The following USP48 variants were observed in gnomAD, a reference collection of about 807,000 sequenced individuals.
USP48 encodes ubiquitin carboxyl-terminal hydrolase 48.
A neutral mutation model predicts 150.7 loss-of-function variants in USP48; 43 were observed. That is an observed-to-expected ratio of 0.29 (90% CI 0.22 to 0.37). The LOEUF is 0.37. USP48 is among the 10% of genes least tolerant of loss of function. The probability of loss-of-function intolerance (pLI) is 1.00; values close to 1 mark genes in which losing one functional copy is unlikely to be tolerated. For missense variants in USP48, 813 were observed against 1,249.6 expected (o/e 0.65, Z 5.27); for synonymous variants, 396 against 425.9 (o/e 0.93, Z 0.86).
In USP48 at chr1:21,679,386, C is replaced by A; in HGVS notation, c.*31G>T. 1 of 1,613,970 alleles carries A rather than the reference C, an allele frequency of 6.2e-7. No individual in the cohort carries two copies. Among genetic ancestry groups the A allele is most frequent in the Non-Finnish European group, 8.5e-7 (1 of 1,179,920 alleles). On this transcript the variant is annotated 3_prime_UTR_variant, in exon 27 of 27. Coordinates refer to ENST00000308271, the MANE Select transcript of USP48 (RefSeq NM_032236.8). ...TGTCAAACTCCTCTTCCCCTCTGGT[C>A]ATTTCTTAGCAGTCAGCAAGTATTC...
chr1:21,696,467 G>A (rs558182376), intron 22 of USP48, among the ~76,000 whole-genome samples: 15 of 152,274 alleles, frequency 9.9e-5, no homozygotes, highest in Admixed American at 9.2e-4. Flanking sequence ...GAAAGAAAGC[G>A]GGTGCGGAGA....
intron 11 of USP48, chr1:21,727,790 T>G: frequency 1.2e-6 from 1 of 829,000 alleles, no homozygotes; most frequent in Non-Finnish European, 1.5e-6. Context: ...GTTTACATTT[T>G]GCTTAAAGTT....
At chr1:21,741,295 GACAAA>G (rs1278728799) in intron 8 of USP48, among the ~76,000 whole-genome samples, 2 of 152,142 alleles carry the variant, frequency 1.3e-5, no homozygotes, top group Non-Finnish European at 1.5e-5. Context: ...CTTAAAATTA[GACAAA>G]ACAAAACAGG....
intron 24 of USP48, among the ~76,000 whole-genome samples, chr1:21,687,912 GT>G (rs1267321957): frequency 6.6e-6 from 1 of 152,208 alleles, no homozygotes; most frequent in Non-Finnish European, 1.5e-5. Context: ...AATGCAGAAT[GT>G]TAAACAGAGG....
At chr1:21,752,445 T>C (rs2097818808) in intron 5 of USP48, 82 bp downstream of exon 5, 1 of 1,520,916 alleles carries the variant, frequency 6.6e-7, no homozygotes, top group East Asian at 2.3e-5. Flanking sequence ...AGCTACAACC[T>C]GGAACTGCAC....
chr1:21,711,711 T>C (rs2097690655), intron 15 of USP48, among the ~76,000 whole-genome samples: 1 of 152,160 alleles, frequency 6.6e-6, no homozygotes, highest in South Asian at 2.1e-4. Context: ...TGAAGCTCAG[T>C]CACCAAGCCC....
intron 1 of USP48, among the ~76,000 whole-genome samples, chr1:21,775,265 T>C (rs1450904783): frequency 6.6e-6 from 1 of 151,860 alleles, no homozygotes; most frequent in African/African-American, 2.4e-5. Flanking sequence ...TTTGTTTGGT[T>C]GGTTGGTTTT....
chr1:21,701,142 G>A (rs1044652094), intron 22 of USP48, among the ~76,000 whole-genome samples: 37 of 151,032 alleles, frequency 2.4e-4, no homozygotes, highest in Non-Finnish European at 4.7e-4. Flanking sequence ...TGCGGTGGGC[G>A]GATCACGAGG....
rs1191527058 is a variant in USP48 at position 21,679,042 on chromosome 1, C to G, written c.*375G>C. The G allele has an allele frequency of 8.9e-6, 3 of 335,930 alleles. No individual in the cohort carries two copies. The highest frequency in any genetic ancestry group is 1.1e-5 in the Non-Finnish European group (2 of 179,410). The allele number at this position is 335,930 out of a possible 1,614,324, so 20.8% of individuals were successfully genotyped here. On this transcript the variant is annotated 3_prime_UTR_variant, in exon 27 of 27. Coordinates refer to ENST00000308271, the MANE Select transcript of USP48 (RefSeq NM_032236.8). ...CTACTTGATACAATCCTTTATGGAC[C>G]AACGCATCTGGTATGAAACTCGAGC... is the stretch of plus-strand genomic sequence containing the variant.
chr1:21,756,417 G>C (rs565221369), intron 3 of USP48, 129 bp downstream of exon 3: 3 of 1,120,140 alleles, frequency 2.7e-6, no homozygotes, highest in Non-Finnish European at 3.8e-6. Context: ...GGAGGCAGAC[G>C]TTGCAGTGAA....
At chr1:21,770,935 C>G (rs186568776) in intron 1 of USP48, among the ~76,000 whole-genome samples, 5 of 151,680 alleles carry the variant, frequency 3.3e-5, no homozygotes, top group African/African-American at 9.7e-5. Flanking sequence ...CCAGCCTGGC[C>G]AAGATGGTGA....
chr1:21,771,731 C>G (rs1381716716), intron 1 of USP48, among the ~76,000 whole-genome samples: 2 of 151,952 alleles, frequency 1.3e-5, no homozygotes, highest in Non-Finnish European at 2.9e-5. Flanking sequence ...AACAGCCTGA[C>G]CAACACGGAG....
At chr1:21,753,778 G>GT (rs1433823845) in intron 3 of USP48, among the ~76,000 whole-genome samples, 2 of 136,476 alleles carry the variant, frequency 1.5e-5, no homozygotes, top group African/African-American at 5.6e-5. Flanking sequence ...GGTGAGCAGA[G>GT]ATCATGCCAC....
At chr1:21,688,737 G>A (rs1361854560) in intron 24 of USP48, among the ~76,000 whole-genome samples, 2 of 151,200 alleles carry the variant, frequency 1.3e-5, no homozygotes, top group Non-Finnish European at 2.9e-5. Flanking sequence ...CAGATACTCG[G>A]GAGGCCGCGG....
rs573158504 is a variant in USP48 at position 21,715,517 on chromosome 1, T to C, written c.1895-60A>G. 3.6e-6 allele frequency: 4 copies of C among 1,115,762 alleles called. No homozygotes were observed. The Admixed American group carries it at 6.2e-5, about 17-fold the overall frequency. The allele number at this position is 1,115,762 out of a possible 1,614,324, so 69.1% of individuals were successfully genotyped here. On this transcript the variant is annotated intron_variant, in intron 14 of 26. Transcript: ENST00000308271. Reference sequence around the variant, plus strand: ...GTTATTGTGTACTTAAAGTTGAAAGTAGCAGATATACTACTCTGCACAATT... The same window carrying C: ...GTTATTGTGTACTTAAAGTTGAAAGCAGCAGATATACTACTCTGCACAATT...
At chr1:21,750,266 C>T (rs1269597794) in intron 6 of USP48, among the ~76,000 whole-genome samples, 1 of 152,148 alleles carries the variant, frequency 6.6e-6, no homozygotes, top group Non-Finnish European at 1.5e-5. Context: ...AGGCAAGACA[C>T]ATTCTCATTT....
At chr1:21,736,656 G>A (rs10753517) in intron 8 of USP48, 31 bp from the exon 9 acceptor site, 897,115 of 1,368,350 alleles carry the variant, frequency 0.66, 297,259 homozygotes, top group Admixed American at 0.76. Context: ...TAAAAGAAAC[G>A]TTGGATAACA....
intron 26 of USP48, 25 bp from the exon 27 acceptor site, chr1:21,679,464 G>T: frequency 6.2e-7 from 1 of 1,613,600 alleles, no homozygotes; most frequent in Non-Finnish European, 8.5e-7. Flanking sequence ...ACACGTGGAG[G>T]GATAGTTGTG....
chr1:21,716,945 G>A (rs903042129), intron 14 of USP48, among the ~76,000 whole-genome samples: 2 of 151,558 alleles, frequency 1.3e-5, no homozygotes, highest in South Asian at 2.1e-4. Context: ...GGAGAATGGC[G>A]GGAACCCGGG....
Sources: allele counts gnomAD v4.1 joint callset (sites outside exome capture counted in the v4.1 genomes callset), GRCh38; gene constraint gnomAD v4.1.1; transcripts MANE v1.5; gene names NCBI Gene and HGNC (gene_info 2026-07-23, HGNC 2026-07-21).